TXNRD2: variants seen among roughly 807,000 people sequenced by gnomAD.
TXNRD2 encodes thioredoxin reductase 2, mitochondrial.
In TXNRD2, 67 loss-of-function variants were observed where a neutral mutation model predicts 70.8. That is an observed-to-expected ratio of 0.95 (90% CI 0.78 to 1.16). The LOEUF is 1.16. Ranked by LOEUF, TXNRD2 falls within the 50% of genes most tolerant of loss-of-function variation. The probability of loss-of-function intolerance (pLI) is 0.00; values close to 1 mark genes in which losing one functional copy is unlikely to be tolerated. For synonymous variants in TXNRD2, 301 were observed against 295.8 expected (o/e 1.02, Z -0.18); for missense variants, 644 against 719.9 (o/e 0.89, Z 1.21).
chr22:19,894,881 A>T (rs1026169687), intron 11 of TXNRD2: 1 of 774,962 alleles, frequency 1.3e-6, no homozygotes, highest in Non-Finnish European at 1.9e-6. Flanking sequence ...CCAGCTACCC[A>T]GGAGGCTGAG....
chr22:19,933,345 T>G, intron 1 of TXNRD2: 4 of 835,832 alleles, frequency 4.8e-6, no homozygotes, highest in Non-Finnish European at 5.2e-6. Flanking sequence ...TGCCACCAGG[T>G]CCCCCGGGGA....
chr22:19,909,588 CCACACACACCACT>C lies in TXNRD2; in HGVS notation c.662+1776_662+1788del, dbSNP rs1214266295. ...CACATACACACACCACACACACACA[CCACACACACCACT>C]CACACACACACACCACACACACCAC... On this transcript the variant is annotated intron_variant, in intron 8 of 17. Coordinates refer to ENST00000400521, the MANE Select transcript of TXNRD2 (RefSeq NM_006440.5). Among the ~76,000 whole-genome samples the C allele has an allele frequency of 6.2e-4, 58 of 93,670 alleles. 1 individual carries two copies. The South Asian group carries it at 0.016, about 25-fold the overall frequency. The allele number at this position is 93,670 out of a possible 152,430, so 61.5% of individuals were successfully genotyped here.
chr22:19,927,118 A>AC (rs1941176606), intron 2 of TXNRD2, among the ~76,000 whole-genome samples: 1 of 151,834 alleles, frequency 6.6e-6, no homozygotes, highest in African/African-American at 2.4e-5. Context: ...ACATGGTGAA[A>AC]CCCCGTCTCT....
intron 12 of TXNRD2, among the ~76,000 whole-genome samples, chr22:19,881,897 G>A (rs936888382): frequency 6.6e-6 from 1 of 152,230 alleles, no homozygotes; most frequent in Admixed American, 6.5e-5. Flanking sequence ...CCACACAATC[G>A]GGTCGGCTAG....
intron 1 of TXNRD2, among the ~76,000 whole-genome samples, chr22:19,936,197 C>A (rs1186974086): frequency 6.6e-6 from 1 of 152,112 alleles, no homozygotes; most frequent in African/African-American, 2.4e-5. Flanking sequence ...ATCCTAATGA[C>A]ATACCAATCC....
chr22:19,899,674 TC>T (rs1175211505), intron 8 of TXNRD2, among the ~76,000 whole-genome samples: 1 of 152,226 alleles, frequency 6.6e-6, no homozygotes, highest in Non-Finnish European at 1.5e-5. Flanking sequence ...CCTCTATTGT[TC>T]AACCCCACAC....
At chr22:19,925,270 C>T (rs1365994172) in intron 2 of TXNRD2, among the ~76,000 whole-genome samples, 1 of 151,822 alleles carries the variant, frequency 6.6e-6, no homozygotes, top group Admixed American at 6.6e-5. Context: ...GGCGACAGAG[C>T]AAGACTCCAT....
At chr22:19,904,028 G>A (rs1302175880) in intron 8 of TXNRD2, among the ~76,000 whole-genome samples, 1 of 152,226 alleles carries the variant, frequency 6.6e-6, no homozygotes, top group East Asian at 1.9e-4. Context: ...CAAACGGGCT[G>A]GCACAAGGCG....
chr22:19,886,496 G>A (rs1019253215), intron 11 of TXNRD2, among the ~76,000 whole-genome samples: 4 of 152,268 alleles, frequency 2.6e-5, no homozygotes, highest in African/African-American at 9.6e-5. Flanking sequence ...CCCGAATGCT[G>A]TGAGCAGCAG....
intron 7 of TXNRD2, among the ~76,000 whole-genome samples, chr22:19,913,434 A>G (rs527681795): frequency 0.034 from 5,209 of 152,222 alleles, 126 homozygotes; most frequent in South Asian, 0.086. Flanking sequence ...AAGCCCCCCC[A>G]CAAAGAAGAG....
At position 19,883,315 on chromosome 22, in the gene TXNRD2, C is replaced by A. The variant is rs1938869022; in HGVS notation, c.1086+10G>T. 2 of 1,612,440 alleles carry A rather than the reference C, an allele frequency of 1.2e-6. No individual in the cohort carries two copies. Among genetic ancestry groups the A allele is most frequent in the African/African-American group, 2.7e-5 (2 of 74,916 alleles). Reference sequence around the variant, plus strand: ...GGGCAGGGGCCCTGGTCCCGGGACGCATGCCGTACCTCCACCACGTCACCA... The same window carrying A: ...GGGCAGGGGCCCTGGTCCCGGGACGAATGCCGTACCTCCACCACGTCACCA... On this transcript the variant is annotated intron_variant, in intron 12 of 17. Coordinates refer to ENST00000400521, the MANE Select transcript of TXNRD2 (RefSeq NM_006440.5).
In TXNRD2 at chr22:19,878,080, C is replaced by T. The variant is rs770361302; in HGVS notation, c.1445+10G>A. 7 of 1,611,784 alleles carry T rather than the reference C, an allele frequency of 4.3e-6. No individual in the cohort carries two copies. The highest frequency in any genetic ancestry group is 1.6e-4 in the Middle Eastern group (1 of 6,084). ...ACATCGCATCGCAGCCTGCATTCCT[C>T]GGGACTTACTTGATCCCCAGAGCAA... On this transcript the variant is annotated intron_variant, in intron 16 of 17. Transcript: ENST00000400521.
chr22:19,895,077 A>G, intron 11 of TXNRD2: 4 of 1,594,842 alleles, frequency 2.5e-6, no homozygotes, highest in Non-Finnish European at 3.4e-6. Context: ...AGGGCCAGGG[A>G]AGGCGAGGAT....
In TXNRD2 at chr22:19,923,204, C is replaced by G. The variant is rs182972664; in HGVS notation, c.173-3605G>C. On this transcript the variant is annotated intron_variant, in intron 2 of 17. Coordinates refer to ENST00000400521, the MANE Select transcript of TXNRD2 (RefSeq NM_006440.5). ...TATAACTCTTAACTATCTCCACCCC[C>G]TCTCCCACATGCCCACTCTTTAAAA... Among the ~76,000 whole-genome samples the G allele has an allele frequency of 1.1e-3, 174 of 152,316 alleles. 1 individual carries two copies. In the Middle Eastern group the frequency reaches 0.031, roughly 27 times the overall value.
chr22:19,911,670 G>A (rs539311344), intron 7 of TXNRD2, among the ~76,000 whole-genome samples: 4 of 152,224 alleles, frequency 2.6e-5, no homozygotes, highest in South Asian at 2.1e-4. Context: ...CGGTGCCCTC[G>A]CAGGGTACCT....
At chr22:19,910,769 G>A (rs748728579) in intron 8 of TXNRD2, among the ~76,000 whole-genome samples, 1 of 152,026 alleles carries the variant, frequency 6.6e-6, no homozygotes, top group Non-Finnish European at 1.5e-5. Flanking sequence ...TACTATGCTC[G>A]GTTAATATTT....
At chr22:19,881,158 G>A (rs892853182) in intron 12 of TXNRD2, 1 of 432,068 alleles carries the variant, frequency 2.3e-6, no homozygotes, top group African/African-American at 2.0e-5. Flanking sequence ...AGCTTGATCT[G>A]CACGTCACAG....
chr22:19,911,086 C>CAA lies in TXNRD2; in HGVS notation c.662+289_662+290dup, dbSNP rs55813218. 0.036 allele frequency: 14,019 copies of CAA among 386,702 alleles called. 161 individuals are homozygous for CAA. The highest frequency in any genetic ancestry group is 0.09 in the South Asian group (3,521 of 39,004). 24.0% of individuals were successfully genotyped at this position (386,702 alleles called of 1,614,324 possible). A position where few individuals can be genotyped will look rare whatever the true frequency, so the allele number is the denominator to read the frequency against. On this transcript the variant is annotated intron_variant, in intron 8 of 17. Transcript: ENST00000400521. ...TGAGAATTCACCTAAAAAAAAAAGC[C>CAA]AAAAAAAAAACCAAAACAGATTTTT...
chr22:19,925,643 G>A (rs1042342579), intron 2 of TXNRD2, among the ~76,000 whole-genome samples: 1 of 151,844 alleles, frequency 6.6e-6, no homozygotes, highest in African/African-American at 2.4e-5. Flanking sequence ...TTTAAGGGTA[G>A]ACTGGCAAGT....
Sources: gnomAD v4.1 joint callset for allele counts (sites outside exome capture counted in the v4.1 genomes callset) on GRCh38, gnomAD v4.1.1 for gene constraint, MANE v1.5 for transcripts, NCBI Gene and HGNC (gene_info 2026-07-23, HGNC 2026-07-21) for gene names.